The following IQCE variants were observed in gnomAD, a reference collection of about 807,000 sequenced individuals.
IQCE encodes the protein IQ domain-containing protein E.
A neutral mutation model predicts 96.0 loss-of-function variants in IQCE; 115 were observed. That is an observed-to-expected ratio of 1.20 (90% CI 1.03 to 1.40). The LOEUF is 1.40. Among genes scored for constraint, IQCE ranks in the 40% most tolerant of loss-of-function variants. IQCE has a pLI of 0.00. For synonymous variants in IQCE, 412 were observed against 371.2 expected, an observed-to-expected ratio of 1.11 and a Z score of -1.26; for missense variants, 1,041 against 909.1, an observed-to-expected ratio of 1.15 and a Z score of -1.87.
chr7:2,579,717 G>A (rs890129653), intron 8 of IQCE, among the ~76,000 whole-genome samples: 4 of 137,452 alleles, frequency 2.9e-5, no homozygotes, highest in Admixed American at 2.2e-4. Context: ...GTGTGTGTGT[G>A]TGTGTGTGTG....
At chr7:2,573,290 T>A in intron 5 of IQCE, 128 bp from the exon 6 acceptor site, 1 of 612,848 alleles carries the variant, frequency 1.6e-6, no homozygotes, top group East Asian at 3.0e-5. Context: ...TGGAATTATT[T>A]TGGCTTTTTT....
At chr7:2,569,093 T>C (rs896134806) in intron 3 of IQCE, 94 bp downstream of exon 3, 16 of 1,258,488 alleles carry the variant, frequency 1.3e-5, no homozygotes, top group Non-Finnish European at 1.7e-5. Context: ...TTTAGGTAGC[T>C]GAGACCTGAC....
chr7:2,586,863 C>T (rs1783161090), intron 12 of IQCE, among the ~76,000 whole-genome samples: 2 of 152,142 alleles, frequency 1.3e-5, no homozygotes, highest in African/African-American at 4.8e-5. Context: ...CCCTGAGGCC[C>T]AGCGGGGCGA....
At chr7:2,588,061 C>T (rs570374312) in intron 13 of IQCE, among the ~76,000 whole-genome samples, 184 bp downstream of exon 13, 5 of 152,352 alleles carry the variant, frequency 3.3e-5, no homozygotes, top group South Asian at 4.1e-4. Context: ...TCTCATGCCC[C>T]TCGCTGGGCT....
In IQCE at chr7:2,607,148, C is replaced by T. The variant is rs752181088; in HGVS notation, c.1890C>T (p.Thr630=). 26 of 1,607,934 alleles carry T rather than the reference C, an allele frequency of 1.6e-5. No individual in the cohort carries two copies. The highest frequency in any genetic ancestry group is 2.2e-5 in the East Asian group (1 of 44,506). The change falls in exon 21 of 22, where the codon ACC becomes ACT. Residue 630 remains threonine, a synonymous_variant. Coordinates refer to ENST00000402050, the MANE Select transcript of IQCE (RefSeq NM_152558.5). ...GTGCTACCGGTAAAAGAACCACCAC[C>T]GCAGCTTCTACCAGGAGGAGATCGG... ...RHSATGKRTT[T]AASTRRRSAS... is the part of the protein sequence containing the mutation.
intron 18 of IQCE, 93 bp downstream of exon 18, chr7:2,601,557 CT>C (rs750331143): frequency 1.7e-4 from 163 of 945,352 alleles, no homozygotes; most frequent in African/African-American, 9.5e-4. Flanking sequence ...GATTCCTTTT[CT>C]TTTTTTTTCG....
chr7:2,584,528 A>G (rs944219609), intron 11 of IQCE: 31 of 518,736 alleles, frequency 6.0e-5, no homozygotes, highest in Non-Finnish European at 8.7e-5. Context: ...CGTGTTCGTT[A>G]TAGATTCTAC....
chr7:2,571,505 T>A, intron 3 of IQCE, 21 bp from the exon 4 acceptor site: 1 of 1,605,212 alleles, frequency 6.2e-7, no homozygotes, highest in Non-Finnish European at 8.5e-7. Context: ...CACCTCTGAA[T>A]CCACGTGTTG....
At chr7:2,589,776 G>T in intron 13 of IQCE, 131 bp from the exon 14 acceptor site, 1 of 792,186 alleles carries the variant, frequency 1.3e-6, no homozygotes, top group East Asian at 2.5e-5. Flanking sequence ...GGTAACTCGG[G>T]TCCCCTCAAA....
chr7:2,603,804 C>G (rs1340227838), intron 18 of IQCE, among the ~76,000 whole-genome samples: 1 of 151,948 alleles, frequency 6.6e-6, no homozygotes, highest in Non-Finnish European at 1.5e-5. Context: ...CTTTCTGTTC[C>G]AACAGCGGCA....
chr7:2,608,768 C>T (rs1027601739), intron 21 of IQCE, among the ~76,000 whole-genome samples: 12 of 152,212 alleles, frequency 7.9e-5, no homozygotes, highest in African/African-American at 2.9e-4. Context: ...CAAGTTCATC[C>T]CCGTGACCCA....
In IQCE at chr7:2,559,189, T is replaced by C; in HGVS notation, c.8T>C (p.Leu3Pro). 1 of 1,208,600 alleles carries C rather than the reference T, an allele frequency of 8.3e-7. No individual in the cohort carries two copies. Among genetic ancestry groups the C allele is most frequent in the Non-Finnish European group, 1.0e-6 (1 of 972,730 alleles). 74.9% of individuals were successfully genotyped at this position (1,208,600 alleles called of 1,614,324 possible). Residue 3 changes from leucine (L) to proline (P), a missense_variant, in exon 1 of 22, where the codon CTG becomes CCG. Physicochemically the swap from Leu to Pro is moderately conservative, Grantham distance 98. Coordinates refer to ENST00000402050, the MANE Select transcript of IQCE (RefSeq NM_152558.5). MFLGTGEPALDTG... is the reference protein window; with the variant it reads MFPGTGEPALDTG... ...CCGGGCAGCGCCGCCACCATGTTCCTGGGCACCGGGGAGCCGGCCTTGGAC... is the reference window on the plus strand; with the variant it reads ...CCGGGCAGCGCCGCCACCATGTTCCCGGGCACCGGGGAGCCGGCCTTGGAC...
chr7:2,584,853 T>G (rs940401843), intron 11 of IQCE, among the ~76,000 whole-genome samples: 1 of 152,230 alleles, frequency 6.6e-6, no homozygotes, highest in African/African-American at 2.4e-5. Context: ...TGGAAAACTT[T>G]TTCTGTAAAG....
intron 18 of IQCE, among the ~76,000 whole-genome samples, chr7:2,604,346 A>AT (rs147852520): frequency 1.4e-3 from 211 of 152,184 alleles, no homozygotes; most frequent in African/African-American, 4.6e-3. Context: ...CCTGGCCTCA[A>AT]GTGATCACCC....
chr7:2,613,137 C>G lies in IQCE; in HGVS notation c.*2975C>G, dbSNP rs1785172679. ...ACACACTCTTTCTCTATCCCATGCC[C>G]TTTAAACAAGCAGCCACAGGAGATG... On this transcript the variant is annotated 3_prime_UTR_variant, in exon 22 of 22. Coordinates refer to ENST00000402050, the MANE Select transcript of IQCE (RefSeq NM_152558.5). 6.6e-6 allele frequency: 1 copy of G among 152,348 alleles called. No homozygotes were observed. Among genetic ancestry groups the G allele is most frequent in the South Asian group, 2.1e-4 (1 of 4,824 alleles). 9.4% of individuals were successfully genotyped at this position (152,348 alleles called of 1,614,324 possible). A position where few individuals can be genotyped will look rare whatever the true frequency, so the allele number is the denominator to read the frequency against.
chr7:2,609,971 T>C (rs1437653114), intron 21 of IQCE, 73 bp from the exon 22 acceptor site: 3 of 839,038 alleles, frequency 3.6e-6, no homozygotes, highest in East Asian at 2.4e-5. Context: ...GAGCAGACAG[T>C]GTAAGGGTGT....
Position 2,578,297 on chromosome 7 carries a change from T to C in IQCE, c.521T>C (p.Leu174Pro). 1 of 1,613,344 alleles carries C rather than the reference T, an allele frequency of 6.2e-7. No homozygotes were observed. ...CTGATGAGAACGAAGCTCCGGCGCC[T>C]GGAGGAGGAAAACAGCAGGAAGGAC... ...VDLMRTKLRR[L>P]EEENSRKDRQ... The change falls in exon 7 of 22, where the codon CTG becomes CCG. Residue 174 changes from leucine to proline, a missense_variant. Leu to Pro is a moderately conservative substitution (Grantham distance 98, BLOSUM62 -3). Transcript: ENST00000402050.
intron 3 of IQCE, among the ~76,000 whole-genome samples, chr7:2,570,668 T>A (rs1781693940): frequency 6.6e-6 from 1 of 152,214 alleles, no homozygotes; most frequent in African/African-American, 2.4e-5. Context: ...TAAGAATGTT[T>A]TAAGAGTGCC....
At chr7:2,599,095 T>A (rs1032683135) in intron 17 of IQCE, among the ~76,000 whole-genome samples, 19 of 152,300 alleles carry the variant, frequency 1.2e-4, no homozygotes, top group African/African-American at 4.3e-4. Context: ...TCAGTCCACA[T>A]CCCATCGGAG....
Sources: gnomAD v4.1 joint callset for allele counts (sites outside exome capture counted in the v4.1 genomes callset) on GRCh38, gnomAD v4.1.1 for gene constraint, MANE v1.5 for transcripts, NCBI Gene and HGNC (gene_info 2026-07-23, HGNC 2026-07-21) for gene names.